The following URB1 variants were observed in gnomAD, a reference collection of about 807,000 sequenced individuals.
URB1 encodes the protein URB1 ribosome biogenesis factor.
Under a neutral mutation model 242.3 loss-of-function variants are expected in URB1, and 197 were observed. The observed-to-expected ratio is 0.81, with a 90% confidence interval of 0.72 to 0.91. The LOEUF (loss-of-function observed/expected upper bound fraction) is 0.91. Ranked by LOEUF, URB1 falls within the 40% of genes least tolerant of loss-of-function variation. URB1 has a pLI of 0.00. For missense variants in URB1, 2,721 were observed against 2,860.5 expected (o/e 0.95, Z 1.11); for synonymous variants, 1,153 against 1,201.8 (o/e 0.96, Z 0.84).
chr21:32,311,522 C>A lies in URB1; in HGVS notation c.*3396G>T. ...CTCCTCTGAGATTTCTCTAGAATGG[C>A]CACCTTTGTGAGCTGGCTGACCCTT... is the stretch of plus-strand genomic sequence containing the variant. On this transcript the variant is annotated 3_prime_UTR_variant, in exon 39 of 39. Coordinates refer to ENST00000382751, the MANE Select transcript of URB1 (RefSeq NM_014825.3). 1.1e-6 allele frequency: 1 copy of A among 949,276 alleles called. No homozygotes were observed. The highest frequency in any genetic ancestry group is 1.5e-6 in the Non-Finnish European group (1 of 663,352). 58.8% of individuals were successfully genotyped at this position (949,276 alleles called of 1,614,324 possible). A position where few individuals can be genotyped will look rare whatever the true frequency, so the allele number is the denominator to read the frequency against.
chr21:32,388,905 C>A (rs1425810445), intron 1 of URB1, among the ~76,000 whole-genome samples: 1 of 152,212 alleles, frequency 6.6e-6, no homozygotes, highest in African/African-American at 2.4e-5. Context: ...GGTGCACCTA[C>A]AGGGGGTGCC....
intron 34 of URB1, among the ~76,000 whole-genome samples, chr21:32,321,374 C>A (rs1273602101): frequency 2.6e-5 from 4 of 152,132 alleles, no homozygotes; most frequent in African/African-American, 9.7e-5. Flanking sequence ...GTTCTGACAA[C>A]CCCCAACTTC....
intron 30 of URB1, among the ~76,000 whole-genome samples, chr21:32,332,242 C>A (rs1012496059): frequency 6.6e-6 from 1 of 151,922 alleles, no homozygotes; most frequent in African/African-American, 2.4e-5. Context: ...AAAAATTCCT[C>A]AGGATCTAGG....
chr21:32,355,304 G>T, intron 16 of URB1, 145 bp downstream of exon 16: 1 of 735,658 alleles, frequency 1.4e-6, no homozygotes, highest in Non-Finnish European at 2.2e-6. Flanking sequence ...AAACTATGTA[G>T]ATTCTGAAGT....
chr21:32,353,718 C>G (rs1447321354), intron 18 of URB1, among the ~76,000 whole-genome samples: 2 of 152,206 alleles, frequency 1.3e-5, no homozygotes, highest in East Asian at 1.9e-4. Context: ...GACTCACGCT[C>G]AAATGACCAA....
Position 32,350,756 on chromosome 21 carries a change from G to A in URB1, c.2780C>T (p.Ala927Val), listed in dbSNP as rs548847946. Residue 927 changes from alanine to valine, a missense_variant, in exon 20 of 39, where the codon GCG becomes GTG. Coordinates refer to ENST00000382751, the MANE Select transcript of URB1 (RefSeq NM_014825.3). ...CAGGTAGAGCAACACCTGCTTGGCC[G>A]CGAGCAGGACCTGCTGCATGGACAG... ...PHLSMQQVLL[A>V]AKQVLLYLRS... 24 of 1,551,528 alleles carry A rather than the reference G, an allele frequency of 1.5e-5. No individual in the cohort carries two copies. The highest frequency in any genetic ancestry group is 4.1e-5 in the African/African-American group (3 of 73,186).
At chr21:32,385,350 T>G (rs960610264) in intron 2 of URB1, among the ~76,000 whole-genome samples, 195 bp downstream of exon 2, 2 of 152,226 alleles carry the variant, frequency 1.3e-5, no homozygotes, top group African/African-American at 4.8e-5. Context: ...ATGTTAATAA[T>G]AAGTGAGAAT....
At chr21:32,352,591 A>C in intron 19 of URB1, 119 bp downstream of exon 19, 6 of 1,171,596 alleles carry the variant, frequency 5.1e-6, no homozygotes, top group Non-Finnish European at 7.2e-6. Context: ...ACTTTAGGGT[A>C]AGAAATTTCA....
chr21:32,356,754 C>T lies in URB1; in HGVS notation c.1989+783G>A, dbSNP rs371706568. ...GAAACTCAGAGTCTAAGAGGCCTCACGGCACAGAGCCCTGCAACAGCATGC... is the reference window on the plus strand; with the variant it reads ...GAAACTCAGAGTCTAAGAGGCCTCATGGCACAGAGCCCTGCAACAGCATGC... On this transcript the variant is annotated intron_variant, in intron 15 of 38. Transcript: ENST00000382751. Among the ~76,000 whole-genome samples, 10 of 152,328 alleles carry T rather than the reference C, an allele frequency of 6.6e-5. No individual in the cohort carries two copies. The South Asian group carries it at 8.3e-4, about 13-fold the overall frequency.
intron 15 of URB1, among the ~76,000 whole-genome samples, chr21:32,356,360 G>A (rs1287836104): frequency 6.6e-6 from 1 of 152,198 alleles, no homozygotes; most frequent in Non-Finnish European, 1.5e-5. Flanking sequence ...GCAGTGCACA[G>A]CAGCGTGGAT....
At chr21:32,355,763 C>T (rs1437278572) in intron 15 of URB1, among the ~76,000 whole-genome samples, 198 bp from the exon 16 acceptor site, 1 of 152,198 alleles carries the variant, frequency 6.6e-6, no homozygotes, top group Non-Finnish European at 1.5e-5. Flanking sequence ...AGTGTGCCAA[C>T]ACGTCCAGCT....
chr21:32,354,863 A>G lies in URB1; in HGVS notation c.2241T>C (p.Ile747=), dbSNP rs1187218510. Residue 747 remains isoleucine, a synonymous_variant, in exon 17 of 39, where the codon ATT becomes ATC. Coordinates refer to ENST00000382751, the MANE Select transcript of URB1 (RefSeq NM_014825.3). ...ADDMSIPISH[I]DDVLDMVDVL... is the part of the protein sequence containing the mutation. ...GCAGAACAGAATGGAACATACCGTC[A>G]ATGTGGGAGATGGGAATGCTCATGT... is the stretch of plus-strand genomic sequence containing the variant. The G allele has an allele frequency of 6.4e-7, 1 of 1,552,304 alleles. No individual in the cohort carries two copies. Among genetic ancestry groups the G allele is most frequent in the Non-Finnish European group, 8.7e-7 (1 of 1,147,110 alleles).
chr21:32,376,940 G>A (rs2033465957), intron 5 of URB1, among the ~76,000 whole-genome samples: 1 of 152,124 alleles, frequency 6.6e-6, no homozygotes, highest in South Asian at 2.1e-4. Flanking sequence ...GGGATTACAG[G>A]TGTGAGCCAC....
intron 1 of URB1, among the ~76,000 whole-genome samples, chr21:32,391,715 T>G (rs1034868966): frequency 5.9e-5 from 9 of 152,224 alleles, no homozygotes; most frequent in African/African-American, 2.2e-4. Context: ...GGTATAGGTA[T>G]CAAAGTTTAA....
intron 12 of URB1, 36 bp from the exon 13 acceptor site, chr21:32,361,159 A>AAAGAAAGAAAGAAAG (rs2033280195): frequency 2.6e-4 from 69 of 270,332 alleles, no homozygotes; most frequent in South Asian, 2.2e-3. Context: ...AAAAAGAGAA[A>AAAGAAAGAAAGAAAG]AAAGAAAGAA....
chr21:32,339,379 C>A (rs567080256), intron 25 of URB1, among the ~76,000 whole-genome samples: 10 of 152,148 alleles, frequency 6.6e-5, no homozygotes, highest in Admixed American at 1.3e-4. Flanking sequence ...ACCATCCAGG[C>A]TCTACCACTG....
At chr21:32,332,072 T>A (rs1401534647) in intron 30 of URB1, among the ~76,000 whole-genome samples, 1 of 152,168 alleles carries the variant, frequency 6.6e-6, no homozygotes. Context: ...GCGGGACAGA[T>A]GGACTTTTCA....
At position 32,317,377 on chromosome 21, in the gene URB1, G is replaced by A. The variant is rs185151570; in HGVS notation, c.6034+299C>T. 3.3e-5 allele frequency among the ~76,000 whole-genome samples: 5 copies of A among 152,308 alleles called. No homozygotes were observed. In the East Asian group the frequency reaches 7.7e-4, roughly 24 times the overall value. Reference sequence around the variant, plus strand: ...AGGTTCCAGTCTTTTCCTTAACCCTGCACTACAGGAGGAGGTTGGGGCAAG... The same window carrying A: ...AGGTTCCAGTCTTTTCCTTAACCCTACACTACAGGAGGAGGTTGGGGCAAG... On this transcript the variant is annotated intron_variant, in intron 37 of 38. Coordinates refer to ENST00000382751, the MANE Select transcript of URB1 (RefSeq NM_014825.3).
chr21:32,360,043 C>T (rs1601144776), intron 13 of URB1, 135 bp from the exon 14 acceptor site: 3 of 763,412 alleles, frequency 3.9e-6, no homozygotes. Flanking sequence ...GTTTCTCTGT[C>T]CTGTGCTCAC....
Sources: allele counts gnomAD v4.1 joint callset (sites outside exome capture counted in the v4.1 genomes callset), GRCh38; gene constraint gnomAD v4.1.1; transcripts MANE v1.5; gene names NCBI Gene and HGNC (gene_info 2026-07-23, HGNC 2026-07-21).